GALR1: variants seen among roughly 807,000 people sequenced by gnomAD.
GALR1 encodes the protein galanin receptor 1, also known as galanin receptor type 1.
Under a neutral mutation model 17.9 loss-of-function variants are expected in GALR1, and 11 were observed. The observed-to-expected ratio is 0.62, with a 90% CI of 0.39 to 1.02. The LOEUF is 1.02. Ranked by LOEUF, GALR1 falls within the 50% of genes least tolerant of loss-of-function variation. The pLI is 0.01. For missense variants in GALR1, 441 were observed against 456.9 expected (o/e 0.97, Z 0.32); for synonymous variants, 206 against 205.7 (o/e 1.00, Z -0.01).
chr18:77,274,186 C>T lies in GALR1; in HGVS notation c.*5284C>T, dbSNP rs544123305. The T allele has an allele frequency of 6.6e-6, 1 of 152,074 alleles. No individual in the cohort carries two copies. Among genetic ancestry groups the T allele is most frequent in the East Asian group, 1.9e-4 (1 of 5,166 alleles). The allele number at this position is 152,074 out of a possible 1,614,324, so 9.4% of individuals were successfully genotyped here. A position where few individuals can be genotyped will look rare whatever the true frequency, so the allele number is the denominator to read the frequency against. On this transcript the variant is annotated 3_prime_UTR_variant, in exon 3 of 3. Transcript: ENST00000299727. ...GCTGGCTAGATTGTCCAAAAACAAG[C>T]TCACTTGTTTTTGGGCAATCTAGCC...
chr18:77,262,720 A>G (rs956784891), intron 2 of GALR1, among the ~76,000 whole-genome samples: 7 of 152,204 alleles, frequency 4.6e-5, no homozygotes, highest in African/African-American at 1.7e-4. Flanking sequence ...CAGGCCTTCT[A>G]TTAAACTCTT....
intron 2 of GALR1, 52 bp downstream of exon 2, chr18:77,256,275 CTT>C (rs776798959): frequency 9.2e-7 from 1 of 1,084,332 alleles, no homozygotes; most frequent in Non-Finnish European, 1.4e-6. Flanking sequence ...CTTAGTTTAC[CTT>C]TGTTTTTTTT....
At chr18:77,263,745 C>T (rs571304501) in intron 2 of GALR1, among the ~76,000 whole-genome samples, 9 of 152,290 alleles carry the variant, frequency 5.9e-5, no homozygotes, top group African/African-American at 2.2e-4. Context: ...TCTTACTTTG[C>T]TACCTCATGT....
rs1387955260 is a variant in GALR1, at chr18:77,271,254, C to CT, written c.*2352_*2353insT. ...AATAGCTTGCGCTTGAAACCCCCCC[C>CT]CCCCCGCCACTTTGCTAAATGTAAA... On this transcript the variant is annotated 3_prime_UTR_variant, in exon 3 of 3. Transcript: ENST00000299727. The CT allele has an allele frequency of 3.2e-5, 4 of 126,360 alleles. No individual in the cohort carries two copies. Among genetic ancestry groups the CT allele is most frequent in the Non-Finnish European group, 7.1e-5 (4 of 55,996 alleles). The allele number at this position is 126,360 out of a possible 1,614,324, so 7.8% of individuals were successfully genotyped here. A position where few individuals can be genotyped will look rare whatever the true frequency, so the allele number is the denominator to read the frequency against.
intron 1 of GALR1, among the ~76,000 whole-genome samples, chr18:77,253,034 T>C (rs867514280): frequency 0.011 from 491 of 43,608 alleles, 2 homozygotes; most frequent in East Asian, 0.062. Flanking sequence ...ATCACCACCA[T>C]CACCACCACC....
intron 2 of GALR1, among the ~76,000 whole-genome samples, chr18:77,256,598 T>C: frequency 6.6e-6 from 1 of 152,180 alleles, no homozygotes; most frequent in Non-Finnish European, 1.5e-5. Flanking sequence ...ATGTTTTCAA[T>C]CTCTGATGTG....
intron 2 of GALR1, among the ~76,000 whole-genome samples, chr18:77,258,980 GGTGGTGGATGGTGGTGGTGGTC>G: frequency 1.7e-5 from 2 of 117,340 alleles, no homozygotes; most frequent in African/African-American, 6.7e-5. Flanking sequence ...TTGTGGTGAT[GGTGGTGGATGGTGGTGGTGGTC>G]ACAGTGGTGG....
At position 77,251,043 on chromosome 18, in the gene GALR1, C is replaced by T. The variant is rs138670052; in HGVS notation, c.495C>T (p.Ala165=). The T allele has an allele frequency of 3.7e-6, 6 of 1,606,680 alleles. No individual in the cohort carries two copies. Among genetic ancestry groups the T allele is most frequent in the Non-Finnish European group, 5.1e-6 (6 of 1,179,880 alleles). The change falls in exon 1 of 3, where the codon GCC becomes GCT. Residue 165 remains alanine, a synonymous_variant. Coordinates refer to ENST00000299727, the MANE Select transcript of GALR1 (RefSeq NM_001480.4). ...GCTGCATCTGGGCGCTGTCCATTGC[C>T]ATGGCCTCGCCCGTGGCCTACCACC... ...GVGCIWALSI[A]MASPVAYHQG... is the part of the protein sequence containing the mutation.
rs907723957 is a variant in GALR1 at position 77,277,252 on chromosome 18, C to A, written c.*8350C>A. 1 of 152,160 alleles carries A rather than the reference C, an allele frequency of 6.6e-6. No individual in the cohort carries two copies. 9.4% of individuals were successfully genotyped at this position (152,160 alleles called of 1,614,324 possible). A position where few individuals can be genotyped will look rare whatever the true frequency, so the allele number is the denominator to read the frequency against. ...TAATAAGGTTTGATATGGTTTGGCT[C>A]TGTGTCTCCACCCAAATCTCACCTT... On this transcript the variant is annotated 3_prime_UTR_variant, in exon 3 of 3. Coordinates refer to ENST00000299727, the MANE Select transcript of GALR1 (RefSeq NM_001480.4).
Position 77,250,605 on chromosome 18 carries a change from CG to C in GALR1, c.58del (p.Ala20ProfsTer23), listed in dbSNP as rs764498666. On this transcript the variant is annotated frameshift_variant, in exon 1 of 3. Transcript: ENST00000299727. LOFTEE classifies it high-confidence loss of function. ...EGNASWPEPP[A>X]PEPGPLFGIG... ...GCAACGCGAGCTGGCCGGAGCCCCC[CG>C]CCCCGGAGCCCGGGCCGCTGTTCGG... 1 of 1,561,670 alleles carries C rather than the reference CG, an allele frequency of 6.4e-7. No homozygotes were observed. Among genetic ancestry groups the C allele is most frequent in the Non-Finnish European group, 8.6e-7 (1 of 1,157,614 alleles).
rs1912475884 is a variant in GALR1, at chr18:77,252,923, TCACCACCACCAC to T, written c.666+1724_666+1735del. Among the ~76,000 whole-genome samples the T allele has an allele frequency of 7.5e-3, 632 of 84,666 alleles. 5 individuals are homozygous for T. The highest frequency in any genetic ancestry group is 0.02 in the East Asian group (51 of 2,500). The allele number at this position is 84,666 out of a possible 152,430, so 55.5% of individuals were successfully genotyped here. On this transcript the variant is annotated intron_variant, in intron 1 of 2. Coordinates refer to ENST00000299727, the MANE Select transcript of GALR1 (RefSeq NM_001480.4). ...ACCACCACCACCACCACCACCACCA[TCACCACCACCAC>T]CACCACCACCACCATCACCACCATC...
intron 1 of GALR1, among the ~76,000 whole-genome samples, chr18:77,252,923 T>TCAC (rs1912475884): frequency 3.2e-4 from 27 of 84,686 alleles, no homozygotes; most frequent in East Asian, 2.8e-3. Flanking sequence ...ACCACCACCA[T>TCAC]CACCACCACC....
In GALR1 at chr18:77,274,188, C is replaced by G. The variant is rs1256347157; in HGVS notation, c.*5286C>G. 1.3e-5 allele frequency: 2 copies of G among 152,030 alleles called. No individual in the cohort carries two copies. The highest frequency in any genetic ancestry group is 6.5e-5 in the Admixed American group (1 of 15,272). The allele number at this position is 152,030 out of a possible 1,614,324, so 9.4% of individuals were successfully genotyped here. ...TGGCTAGATTGTCCAAAAACAAGCT[C>G]ACTTGTTTTTGGGCAATCTAGCCAA... On this transcript the variant is annotated 3_prime_UTR_variant, in exon 3 of 3. Coordinates refer to ENST00000299727, the MANE Select transcript of GALR1 (RefSeq NM_001480.4).
intron 2 of GALR1, among the ~76,000 whole-genome samples, chr18:77,256,540 G>A (rs1393950825): frequency 6.6e-6 from 1 of 152,220 alleles, no homozygotes; most frequent in Non-Finnish European, 1.5e-5. Flanking sequence ...GCAGAGTGCA[G>A]AGTTGCTGAC....
chr18:77,250,791 C>A lies in GALR1; in HGVS notation c.243C>A (p.Asp81Glu), dbSNP rs1417033492. 6.2e-7 allele frequency: 1 copy of A among 1,613,914 alleles called. No homozygotes were observed. Among genetic ancestry groups the A allele is most frequent in the Non-Finnish European group, 8.5e-7 (1 of 1,180,022 alleles). ...TCATCCTCAACCTGAGCATCGCCGA[C>A]CTGGCCTACCTGCTCTTCTGCATCC... ...NLFILNLSIA[D>E]LAYLLFCIPF... Residue 81 changes from aspartate (D) to glutamate (E), a missense_variant, in exon 1 of 3, where the codon GAC becomes GAA. Coordinates refer to ENST00000299727, the MANE Select transcript of GALR1 (RefSeq NM_001480.4).
intron 1 of GALR1, among the ~76,000 whole-genome samples, chr18:77,251,514 C>A (rs560612188): frequency 6.6e-6 from 1 of 152,372 alleles, no homozygotes; most frequent in Non-Finnish European, 1.5e-5. Flanking sequence ...CTCGGCCCTG[C>A]GGCCCTTCAA....
intron 2 of GALR1, among the ~76,000 whole-genome samples, chr18:77,266,237 A>T (rs1182430093): frequency 2.0e-5 from 3 of 152,208 alleles, no homozygotes; most frequent in African/African-American, 4.8e-5. Flanking sequence ...CCTTTACTCC[A>T]GTTCCCAAGA....
At position 77,272,059 on chromosome 18, in the gene GALR1, A is replaced by C. The variant is rs546976106; in HGVS notation, c.*3157A>C. 4 of 152,178 alleles carry C rather than the reference A, an allele frequency of 2.6e-5. No individual in the cohort carries two copies. The highest frequency in any genetic ancestry group is 4.1e-4 in the South Asian group (2 of 4,830). 9.4% of individuals were successfully genotyped at this position (152,178 alleles called of 1,614,324 possible). A position where few individuals can be genotyped will look rare whatever the true frequency, so the allele number is the denominator to read the frequency against. ...TGTTTTATTTTACACATTGGGAGTA[A>C]AACCATTTCCGCCCCATCCCAATCT... On this transcript the variant is annotated 3_prime_UTR_variant, in exon 3 of 3. Coordinates refer to ENST00000299727, the MANE Select transcript of GALR1 (RefSeq NM_001480.4).
At position 77,273,987 on chromosome 18, in the gene GALR1, TC is replaced by T. The variant is rs1276544741; in HGVS notation, c.*5086del. 8 of 152,176 alleles carry T rather than the reference TC, an allele frequency of 5.3e-5. No homozygotes were observed. The highest frequency in any genetic ancestry group is 5.2e-4 in the Admixed American group (8 of 15,268). 9.4% of individuals were successfully genotyped at this position (152,176 alleles called of 1,614,324 possible). On this transcript the variant is annotated 3_prime_UTR_variant, in exon 3 of 3. Transcript: ENST00000299727. The stretch of plus-strand genomic sequence containing the variant: ...ATTTTTGACTCTCAGGTAGTGGTGA[TC>T]GTTATGGTAACCCATGAACTCGGAT...
Sources: allele counts gnomAD v4.1 joint callset (sites outside exome capture counted in the v4.1 genomes callset), GRCh38; gene constraint gnomAD v4.1.1; transcripts MANE v1.5; gene names NCBI Gene and HGNC (gene_info 2026-07-23, HGNC 2026-07-21).